The following GARNL3 variants were observed in gnomAD, a reference collection of about 807,000 sequenced individuals.
The protein encoded by GARNL3 is GTPase-activating Rap/Ran-GAP domain-like protein 3.
Under a neutral mutation model 125.0 loss-of-function variants are expected in GARNL3, and 63 were observed. That is an observed-to-expected ratio of 0.50 (90% CI 0.41 to 0.62). GARNL3 has a LOEUF of 0.62. GARNL3 is among the 20% of genes least tolerant of loss of function. The probability of loss-of-function intolerance (pLI) is 0.00; values close to 1 mark genes in which losing one functional copy is unlikely to be tolerated. For synonymous variants in GARNL3, 439 were observed against 457.5 expected (o/e 0.96, Z 0.52); for missense variants, 994 against 1,244.0 (o/e 0.80, Z 3.02).
intron 13 of GARNL3, 132 bp from the exon 14 acceptor site, chr9:127,342,087 G>GA (rs985133062): frequency 4.4e-5 from 29 of 658,430 alleles, no homozygotes; most frequent in East Asian, 2.4e-4. Flanking sequence ...GTACTAAGCA[G>GA]AAAAAAAACC....
chr9:127,320,163 C>T (rs1366503718), intron 5 of GARNL3, among the ~76,000 whole-genome samples: 1 of 152,138 alleles, frequency 6.6e-6, no homozygotes, highest in Non-Finnish European at 1.5e-5. Context: ...TGAGAAAATT[C>T]ATGAAAAGCA....
chr9:127,381,461 C>A (rs571851658), intron 22 of GARNL3, among the ~76,000 whole-genome samples: 17 of 152,174 alleles, frequency 1.1e-4, no homozygotes, highest in South Asian at 2.1e-4. Context: ...ATCCAAGATA[C>A]TGGTCCTACA....
intron 2 of GARNL3, among the ~76,000 whole-genome samples, chr9:127,248,613 T>C (rs1474024337): frequency 6.6e-5 from 9 of 136,820 alleles, no homozygotes; most frequent in Non-Finnish European, 1.4e-4. Context: ...TTTTTTTTTT[T>C]TTTTTTTTTG....
At chr9:127,268,138 G>A (rs763489276) in intron 1 of GARNL3, among the ~76,000 whole-genome samples, 1 of 152,200 alleles carries the variant, frequency 6.6e-6, no homozygotes. Flanking sequence ...TCAGGGGAGA[G>A]AAGCAAAACC....
chr9:127,241,849 C>T (rs1341252091), intron 1 of GARNL3, among the ~76,000 whole-genome samples: 1 of 152,130 alleles, frequency 6.6e-6, no homozygotes, highest in East Asian at 1.9e-4. Context: ...CTCACTGCAA[C>T]CTCTACCTCC....
At chr9:127,244,439 C>T (rs1165470632) in intron 2 of GARNL3, among the ~76,000 whole-genome samples, 1 of 152,084 alleles carries the variant, frequency 6.6e-6, no homozygotes, top group East Asian at 1.9e-4. Flanking sequence ...GTTGTTAAAC[C>T]GGGTTGCACG....
intron 11 of GARNL3, among the ~76,000 whole-genome samples, chr9:127,336,847 C>G (rs1217255082): frequency 6.6e-6 from 1 of 152,224 alleles, no homozygotes; most frequent in African/African-American, 2.4e-5. Context: ...AGTTGTGGCC[C>G]TGTTGCTCTG....
chr9:127,324,938 T>G (rs2065521731), intron 6 of GARNL3, 131 bp from the exon 7 acceptor site: 1 of 892,156 alleles, frequency 1.1e-6, no homozygotes, highest in African/African-American at 1.7e-5. Context: ...CAAACAAAGC[T>G]CCTATAACCA....
chr9:127,350,963 G>C (rs940149296), intron 17 of GARNL3, among the ~76,000 whole-genome samples: 5 of 152,002 alleles, frequency 3.3e-5, no homozygotes, highest in Non-Finnish European at 7.4e-5. Context: ...GGCACGTCTG[G>C]GACTAGTACC....
At chr9:127,287,056 C>T (rs541985377) in intron 1 of GARNL3, among the ~76,000 whole-genome samples, 1 of 152,170 alleles carries the variant, frequency 6.6e-6, no homozygotes, top group South Asian at 2.1e-4. Flanking sequence ...GGAAGAGGTA[C>T]CTCCCCTCTC....
chr9:127,349,626 G>C lies in GARNL3; in HGVS notation c.1543+591G>C, dbSNP rs779070351. 1.4e-3 allele frequency among the ~76,000 whole-genome samples: 216 copies of C among 152,234 alleles called. 2 individuals are homozygous for C. The highest frequency in any genetic ancestry group is 4.4e-4 in the Non-Finnish European group (30 of 68,022). On this transcript the variant is annotated intron_variant, in intron 17 of 27. Coordinates refer to ENST00000373387, the MANE Select transcript of GARNL3 (RefSeq NM_032293.5). ...TCTCTGTCGCCACAGATCAGCCACC[G>C]TCGCCCAGAGAGGGTGCAACTTCAG...
At chr9:127,339,614 T>C (rs1255924872) in intron 12 of GARNL3, 31 bp from the exon 13 acceptor site, 22 of 1,462,148 alleles carry the variant, frequency 1.5e-5, no homozygotes, top group Non-Finnish European at 2.1e-5. Flanking sequence ...TATCAAGTGC[T>C]AATATTAATT....
At chr9:127,254,768 C>CA (rs35993565) in intron 2 of GARNL3, among the ~76,000 whole-genome samples, 21,623 of 90,478 alleles carry the variant, frequency 0.24, 1,695 homozygotes, top group Middle Eastern at 0.34. Context: ...GATTCTGTCT[C>CA]AAAAAAAAAA....
chr9:127,347,289 G>T (rs1830192417), intron 16 of GARNL3, among the ~76,000 whole-genome samples: 1 of 152,106 alleles, frequency 6.6e-6, no homozygotes, highest in East Asian at 1.9e-4. Context: ...GGGCATGGTG[G>T]CTCATGCCTA....
At chr9:127,368,478 G>A (rs1007537495) in intron 22 of GARNL3, among the ~76,000 whole-genome samples, 11 of 151,580 alleles carry the variant, frequency 7.3e-5, no homozygotes, top group Admixed American at 1.3e-4. Flanking sequence ...TTACAGGCAC[G>A]TGGCACCACA....
chr9:127,346,991 C>T (rs567368308), intron 16 of GARNL3, among the ~76,000 whole-genome samples: 3 of 152,298 alleles, frequency 2.0e-5, no homozygotes, highest in South Asian at 2.1e-4. Context: ...CACTGTCTGT[C>T]GTCAGACCAG....
rs188096215 is a variant in GARNL3, at chr9:127,243,149, C to G, written c.43C>G (p.Gln15Glu). 1.7e-5 allele frequency: 23 copies of G among 1,366,084 alleles called. No individual in the cohort carries two copies. The Admixed American group carries it at 2.9e-4, about 17-fold the overall frequency. The allele number at this position is 1,366,084 out of a possible 1,614,324, so 84.6% of individuals were successfully genotyped here. A position where few individuals can be genotyped will look rare whatever the true frequency, so the allele number is the denominator to read the frequency against. ...GGTGCCTTGTGGGAGTCAGATAGCA[C>G]AAACCATTCTATGGAAAGCAAAGTC... Residue 15 changes from glutamine (Q) to glutamate (E), a missense_variant, in exon 2 of 11, where the codon CAA becomes GAA. Transcript: ENST00000439286.
chr9:127,281,647 C>T (rs561801342), intron 1 of GARNL3, among the ~76,000 whole-genome samples: 70 of 152,360 alleles, frequency 4.6e-4, no homozygotes, highest in African/African-American at 1.5e-3. Context: ...GGCTCCTTCT[C>T]CCTTGCCTTT....
intron 14 of GARNL3, among the ~76,000 whole-genome samples, chr9:127,343,836 G>C (rs914286888): frequency 2.6e-5 from 4 of 152,178 alleles, no homozygotes; most frequent in African/African-American, 7.2e-5. Context: ...GACCCACAAG[G>C]CTGCAGATTT....
Sources: allele counts gnomAD v4.1 joint callset (sites outside exome capture counted in the v4.1 genomes callset), GRCh38; gene constraint gnomAD v4.1.1; transcripts MANE v1.5; gene names NCBI Gene and HGNC (gene_info 2026-07-23, HGNC 2026-07-21).